STYXL1: variants seen among roughly 807,000 people sequenced by gnomAD.
STYXL1 encodes the protein serine/threonine/tyrosine interacting like 1, also known as serine/threonine/tyrosine-interacting-like protein 1.
STYXL1 carries 32 observed loss-of-function variants against 36.4 expected under a neutral mutation model. The ratio of observed to expected loss-of-function variants is 0.88; its 90% confidence interval spans 0.66 to 1.18. The LOEUF is 1.18. Among genes scored for constraint, STYXL1 ranks in the 50% most tolerant of loss-of-function variants. The probability of loss-of-function intolerance (pLI) is 0.00; values close to 1 mark genes in which losing one functional copy is unlikely to be tolerated. For synonymous variants in STYXL1, 133 were observed against 144.1 expected (o/e 0.92, Z 0.55); for missense variants, 354 against 394.1 (o/e 0.90, Z 0.86).
intron 8 of STYXL1, among the ~76,000 whole-genome samples, chr7:76,000,218 C>CCA: frequency 1.4e-5 from 1 of 69,464 alleles, no homozygotes; most frequent in African/African-American, 5.5e-5. Context: ...GACTCCATCT[C>CCA]AAAAAAAAAA....
intron 1 of STYXL1, among the ~76,000 whole-genome samples, chr7:76,043,094 C>A (rs1391905520): frequency 1.3e-5 from 2 of 152,158 alleles, no homozygotes; most frequent in Non-Finnish European, 2.9e-5. Flanking sequence ...ATGGACCAGG[C>A]AGGGGAGAAG....
intron 5 of STYXL1, 62 bp downstream of exon 5, chr7:76,013,669 CAGTCACCCACA>C: frequency 6.3e-7 from 1 of 1,598,774 alleles, no homozygotes; most frequent in Non-Finnish European, 8.6e-7. Context: ...TTCTCCCACT[CAGTCACCCACA>C]AGTCAGTTTC....
chr7:76,046,233 T>C (rs908475322), intron 1 of STYXL1, among the ~76,000 whole-genome samples: 6 of 151,230 alleles, frequency 4.0e-5, no homozygotes, highest in African/African-American at 1.2e-4. Flanking sequence ...GAATGTTCCA[T>C]TGAGAAACAC....
At position 75,999,534 on chromosome 7, in the gene STYXL1, T is replaced by TGA. The variant is rs1554565663; in HGVS notation, c.810+1355_810+1356insTC. ...GTATGTGTGTGTGTGTGTGTGTGTG[T>TGA]GTGTGTGTGTGTGTGTGTATATTTT... On this transcript the variant is annotated intron_variant, in intron 8 of 8. Coordinates refer to ENST00000359697, the MANE Select transcript of STYXL1 (RefSeq NM_001317785.2). Among the ~76,000 whole-genome samples the TGA allele has an allele frequency of 1.2e-4, 16 of 134,816 alleles. 1 individual carries two copies. The highest frequency in any genetic ancestry group is 4.0e-4 in the African/African-American group (14 of 35,278). 88.4% of individuals were successfully genotyped at this position (134,816 alleles called of 152,430 possible).
chr7:76,038,937 C>T (rs1796211070), intron 1 of STYXL1, among the ~76,000 whole-genome samples: 1 of 133,662 alleles, frequency 7.5e-6, no homozygotes, highest in African/African-American at 3.3e-5. Flanking sequence ...CAAGTGTGCA[C>T]CATCATGCCT....
chr7:76,005,859 AGAGGAGGAAGAGAGAGGAGGAGAGAGGAG>A (rs1344642095), intron 5 of STYXL1, among the ~76,000 whole-genome samples: 14 of 28,776 alleles, frequency 4.9e-4, no homozygotes, highest in East Asian at 1.1e-3. Flanking sequence ...AGAGGAGGAG[AGAGGAGGAAGAGAGAGGAGGAGAGAGGAG>A]GAGGAGGAGG....
rs1172114839 is a variant in STYXL1, at chr7:76,030,453, C to T, written c.71G>A (p.Arg24Lys). 8 of 1,613,828 alleles carry T rather than the reference C, an allele frequency of 5.0e-6. No homozygotes were observed. Among genetic ancestry groups the T allele is most frequent in the Non-Finnish European group, 6.8e-6 (8 of 1,179,786 alleles). The change falls in exon 2 of 9, where the codon AGA (arginine) becomes AAA (lysine). Residue 24 changes from arginine (R) to lysine (K), a missense_variant. Coordinates refer to ENST00000359697, the MANE Select transcript of STYXL1 (RefSeq NM_001317785.2). ...NILNQATKLS[R>K]LTDPNYLCLL... Reference sequence around the variant, plus strand: ...ACAGAGATAGTTGGGGTCTGTTAATCTGGAGAGTTTTGTGGCCTGATTCAG... The same window carrying T: ...ACAGAGATAGTTGGGGTCTGTTAATTTGGAGAGTTTTGTGGCCTGATTCAG...
At chr7:76,020,712 T>C (rs1420096376) in intron 4 of STYXL1, among the ~76,000 whole-genome samples, 1 of 152,196 alleles carries the variant, frequency 6.6e-6, no homozygotes, top group Non-Finnish European at 1.5e-5. Flanking sequence ...TATCTTGCCA[T>C]ATCACCCAGG....
chr7:76,018,395 A>ATTT (rs1268797595), intron 4 of STYXL1, among the ~76,000 whole-genome samples: 1 of 144,694 alleles, frequency 6.9e-6, no homozygotes, highest in African/African-American at 2.5e-5. Context: ...CAGTACTTTT[A>ATTT]TTTTTTTTTT....
chr7:76,026,180 A>G (rs1381265761), intron 3 of STYXL1, among the ~76,000 whole-genome samples: 1 of 107,906 alleles, frequency 9.3e-6, no homozygotes, highest in African/African-American at 3.5e-5. Flanking sequence ...GGACAGAGCA[A>G]GACTCTGTCT....
In STYXL1 at chr7:76,015,022, G is replaced by A. The variant is rs190583259; in HGVS notation, c.308-1135C>T. Among the ~76,000 whole-genome samples, 551 of 152,276 alleles carry A rather than the reference G, an allele frequency of 3.6e-3. 3 individuals carry two copies. Among genetic ancestry groups the A allele is most frequent in the Admixed American group, 7.9e-3 (120 of 15,282 alleles). On this transcript the variant is annotated intron_variant, in intron 4 of 8. Coordinates refer to ENST00000359697, the MANE Select transcript of STYXL1 (RefSeq NM_001317785.2). ...AGAACCTTGGGAGGCAGAGGCAGGAGAATTGCCTGAGCCCAGGAGTTTGAG... is the reference window on the plus strand; with the variant it reads ...AGAACCTTGGGAGGCAGAGGCAGGAAAATTGCCTGAGCCCAGGAGTTTGAG...
At chr7:76,020,519 G>A (rs1250071269) in intron 4 of STYXL1, among the ~76,000 whole-genome samples, 7 of 152,104 alleles carry the variant, frequency 4.6e-5, no homozygotes, top group East Asian at 1.9e-4. Flanking sequence ...GCATGCTCTC[G>A]TGCCACTACC....
rs71082374 is a variant in STYXL1, at chr7:76,017,866, C to CAAA, written c.307+3982_308-3980dup. ...GGGCAACAAGAGCAAAACTCCATCT[C>CAAA]AAAAAAAAAAAAAAAGGCAAGACAG... On this transcript the variant is annotated intron_variant, in intron 4 of 8. Coordinates refer to ENST00000359697, the MANE Select transcript of STYXL1 (RefSeq NM_001317785.2). Among the ~76,000 whole-genome samples, 34 of 10,366 alleles carry CAAA rather than the reference C, an allele frequency of 3.3e-3. 3 individuals are homozygous for CAAA. Among genetic ancestry groups the CAAA allele is most frequent in the East Asian group, 0.02 (4 of 198 alleles). The allele number at this position is 10,366 out of a possible 152,430, so 6.8% of individuals were successfully genotyped here.
In STYXL1 at chr7:76,030,411, A is replaced by G. The variant is rs782611908; in HGVS notation, c.103+10T>C. On this transcript the variant is annotated intron_variant, in intron 2 of 8. Transcript: ENST00000359697. Reference sequence around the variant, plus strand: ...TGTTTGACCTCCTCCGCTTTTTTCCAAGTACTTACCCAATAAACAGAGATA... The same window carrying G: ...TGTTTGACCTCCTCCGCTTTTTTCCGAGTACTTACCCAATAAACAGAGATA... The G allele has an allele frequency of 3.1e-6, 5 of 1,601,292 alleles. No homozygotes were observed. Among genetic ancestry groups the G allele is most frequent in the Middle Eastern group, 1.7e-4 (1 of 6,014 alleles).
intron 8 of STYXL1, chr7:75,998,751 G>T (rs1275227839): frequency 6.6e-6 from 1 of 152,148 alleles, no homozygotes; most frequent in Non-Finnish European, 1.5e-5. Context: ...CCAAAAGCCG[G>T]TTCTTTGAAA....
At chr7:76,006,962 A>G (rs1554570599) in intron 5 of STYXL1, among the ~76,000 whole-genome samples, 1 of 152,200 alleles carries the variant, frequency 6.6e-6, no homozygotes, top group African/African-American at 2.4e-5. Flanking sequence ...CATATATTCA[A>G]GCAACCTTGG....
At chr7:76,038,696 G>A (rs1198150422) in intron 1 of STYXL1, among the ~76,000 whole-genome samples, 1 of 151,460 alleles carries the variant, frequency 6.6e-6, no homozygotes, top group East Asian at 1.9e-4. Flanking sequence ...AAAGTGCTGG[G>A]ATTACAGGCG....
intron 5 of STYXL1, among the ~76,000 whole-genome samples, chr7:76,011,168 T>TG (rs1792511016): frequency 6.6e-6 from 1 of 152,168 alleles, no homozygotes; most frequent in Admixed American, 6.5e-5. Context: ...GAGCTATGAT[T>TG]GCACCACTGC....
chr7:76,015,205 G>A (rs1036526442), intron 4 of STYXL1, among the ~76,000 whole-genome samples: 10 of 152,178 alleles, frequency 6.6e-5, no homozygotes, highest in African/African-American at 2.2e-4. Flanking sequence ...AGCAATGGTC[G>A]TGCCACTGCA....
Sources: allele counts gnomAD v4.1 joint callset (sites outside exome capture counted in the v4.1 genomes callset), GRCh38; gene constraint gnomAD v4.1.1; transcripts MANE v1.5; gene names NCBI Gene and HGNC (gene_info 2026-07-23, HGNC 2026-07-21).